TERF1: variants seen among roughly 807,000 people sequenced by gnomAD.
TERF1 encodes the protein telomeric repeat binding factor 1, also known as telomeric repeat-binding factor 1.
A neutral mutation model predicts 55.1 loss-of-function variants in TERF1; 20 were observed. The observed-to-expected ratio is 0.36, with a 90% CI of 0.26 to 0.53. The LOEUF is 0.53. TERF1 is among the 20% of genes least tolerant of loss of function. The probability of loss-of-function intolerance (pLI) is 0.91; values close to 1 mark genes in which losing one functional copy is unlikely to be tolerated. For missense variants in TERF1, 439 were observed against 535.7 expected (o/e 0.82, Z 1.78); for synonymous variants, 168 against 181.2 (o/e 0.93, Z 0.59).
chr8:73,020,335 A>G (rs1808697523), intron 2 of TERF1, among the ~76,000 whole-genome samples: 1 of 152,200 alleles, frequency 6.6e-6, no homozygotes. Context: ...TATAGGTGAG[A>G]AAACTGGCCT....
intron 2 of TERF1, among the ~76,000 whole-genome samples, chr8:73,016,120 TAAAAA>T (rs1462601680): frequency 6.6e-6 from 1 of 151,978 alleles, no homozygotes; most frequent in Non-Finnish European, 1.5e-5. Context: ...CCCCATCTCT[TAAAAA>T]AAATCAAATG....
chr8:73,033,830 G>A (rs1809399472), intron 8 of TERF1, among the ~76,000 whole-genome samples: 1 of 152,142 alleles, frequency 6.6e-6, no homozygotes, highest in Non-Finnish European at 1.5e-5. Context: ...CATTTTATTA[G>A]GTGTCAGTAA....
At chr8:73,031,958 C>A in intron 7 of TERF1, 84 bp from the exon 8 acceptor site, 1 of 912,738 alleles carries the variant, frequency 1.1e-6, no homozygotes, top group Non-Finnish European at 1.7e-6. Context: ...GATCCTAGAA[C>A]AGATTAAGGC....
At chr8:73,013,018 G>A (rs561676201) in intron 1 of TERF1, 98 of 432,946 alleles carry the variant, frequency 2.3e-4, no homozygotes, top group Non-Finnish European at 4.4e-4. Flanking sequence ...ACTGTGTATG[G>A]TCCAGATAAT....
At chr8:73,041,432 G>T (rs777387154) in intron 9 of TERF1, among the ~76,000 whole-genome samples, 2 of 152,118 alleles carry the variant, frequency 1.3e-5, no homozygotes, top group African/African-American at 2.4e-5. Flanking sequence ...GAGGTGAAGC[G>T]TTCTGGAGTC....
At chr8:73,042,644 A>G (rs1809880731) in intron 9 of TERF1, among the ~76,000 whole-genome samples, 1 of 152,210 alleles carries the variant, frequency 6.6e-6, no homozygotes, top group Admixed American at 6.5e-5. Context: ...ACAGTATGTA[A>G]TGAGAAATAC....
chr8:73,030,081 AAG>A (rs1809213887), intron 6 of TERF1: 1 of 314,252 alleles, frequency 3.2e-6, no homozygotes, highest in Admixed American at 4.9e-5. Flanking sequence ...GAGTTTTTGA[AAG>A]AGTGTTATAA....
Position 73,013,947 on chromosome 8 carries a change from C to T in TERF1, c.372C>T (p.Tyr124=). The T allele has an allele frequency of 6.2e-7, 1 of 1,611,218 alleles. No homozygotes were observed. Among genetic ancestry groups the T allele is most frequent in the Non-Finnish European group, 8.5e-7 (1 of 1,179,336 alleles). The part of the protein sequence containing the change: ...SLTACQLRTI[Y]ICQFLTRIAA... ...CAGCTTGCCAGTTGAGAACGATATA[C>T]ATATGTCAGTTTTTGACAAGAATTG... Residue 124 remains tyrosine, a synonymous_variant, in exon 2 of 10, where the codon TAC becomes TAT. Coordinates refer to ENST00000276603, the MANE Select transcript of TERF1 (RefSeq NM_017489.3).
chr8:73,022,176 T>C, intron 3 of TERF1, 40 bp from the exon 4 acceptor site: 1 of 1,287,980 alleles, frequency 7.8e-7, no homozygotes, highest in Non-Finnish European at 1.1e-6. Context: ...TATTGGGTAT[T>C]TATAAACGCA....
rs1355904842 is a variant in TERF1, at chr8:73,013,886, C to A, written c.320-9C>A. ...GATTTTAATAAAATTTACTTTTTTT[C>A]TTTTTTAGCTATTATTCATGGACTA... On this transcript the variant is annotated splice_polypyrimidine_tract_variant and intron_variant, in intron 1 of 9. Transcript: ENST00000276603. 2 of 1,579,650 alleles carry A rather than the reference C, an allele frequency of 1.3e-6. No homozygotes were observed. Among genetic ancestry groups the A allele is most frequent in the African/African-American group, 1.4e-5 (1 of 73,408 alleles).
At chr8:73,011,529 G>A (rs1210601624) in intron 1 of TERF1, 1 of 152,272 alleles carries the variant, frequency 6.6e-6, no homozygotes, top group Admixed American at 6.5e-5. Context: ...CCTTCAACCT[G>A]GGTGACACGG....
At chr8:73,037,886 G>GATATATAATATATATAAATATT (rs1809662601) in intron 8 of TERF1, among the ~76,000 whole-genome samples, 1 of 106,664 alleles carries the variant, frequency 9.4e-6, no homozygotes, top group East Asian at 2.4e-4. Context: ...ATATAAATAT[G>GATATATAATATATATAAATATT]ATATATAATA....
rs1348223701 is a variant in TERF1 at position 73,024,807 on chromosome 8, T to A, written c.625-15T>A. ...TGTGTGATTTATGTTAATATATTTC[T>A]TCTGTTTTCTTTAGCCTTTCAAAAG... is the stretch of plus-strand genomic sequence containing the variant. On this transcript the variant is annotated splice_polypyrimidine_tract_variant and intron_variant, in intron 4 of 9. Coordinates refer to ENST00000276603, the MANE Select transcript of TERF1 (RefSeq NM_017489.3). 6.5e-7 allele frequency: 1 copy of A among 1,527,736 alleles called. No individual in the cohort carries two copies. The highest frequency in any genetic ancestry group is 2.3e-5 in the East Asian group (1 of 43,358). The allele number at this position is 1,527,736 out of a possible 1,614,324, so 94.6% of individuals were successfully genotyped here.
At chr8:73,041,293 T>C (rs1218519889) in intron 9 of TERF1, among the ~76,000 whole-genome samples, 2 of 152,198 alleles carry the variant, frequency 1.3e-5, no homozygotes, top group Admixed American at 1.3e-4. Flanking sequence ...AAAATTTCCT[T>C]TAGTGTCCTG....
rs965021512 is a variant in TERF1 at position 73,047,846 on chromosome 8, A to G, written c.*1709A>G. The G allele has an allele frequency of 3.3e-5, 5 of 152,208 alleles. No individual in the cohort carries two copies. Among genetic ancestry groups the G allele is most frequent in the African/African-American group, 1.2e-4 (5 of 41,476 alleles). 9.4% of individuals were successfully genotyped at this position (152,208 alleles called of 1,614,324 possible). On this transcript the variant is annotated 3_prime_UTR_variant, in exon 10 of 10. Coordinates refer to ENST00000276603, the MANE Select transcript of TERF1 (RefSeq NM_017489.3). Reference sequence around the variant, plus strand: ...GTGCCAAGGCTGGCATCATGAGCCAAAATAGACTTGTTAAGTCAACCTCAT... The same window carrying G: ...GTGCCAAGGCTGGCATCATGAGCCAGAATAGACTTGTTAAGTCAACCTCAT...
chr8:73,037,661 AATAATATTATATTATAT>A (rs1247534115), intron 8 of TERF1, among the ~76,000 whole-genome samples: 9 of 48,946 alleles, frequency 1.8e-4, no homozygotes, highest in Non-Finnish European at 3.8e-4. Flanking sequence ...TTATATGTAT[AATAATATTATATTATAT>A]ATAATATATA....
At chr8:73,013,161 A>G (rs771362344) in intron 1 of TERF1, among the ~76,000 whole-genome samples, 12 of 152,268 alleles carry the variant, frequency 7.9e-5, no homozygotes, top group South Asian at 2.1e-4. Context: ...ATATACACCA[A>G]CCAAGCCCTG....
chr8:73,018,295 A>T (rs144474053), intron 2 of TERF1, among the ~76,000 whole-genome samples: 1 of 152,336 alleles, frequency 6.6e-6, no homozygotes, highest in African/African-American at 2.4e-5. Context: ...GACAACAGGA[A>T]ATAAAGTAAA....
At chr8:73,036,269 A>T (rs1809503363) in intron 8 of TERF1, among the ~76,000 whole-genome samples, 1 of 152,202 alleles carries the variant, frequency 6.6e-6, no homozygotes, top group Non-Finnish European at 1.5e-5. Context: ...GACCTGCTTA[A>T]TTGCCTATCT....
Sources: gnomAD v4.1 joint callset for allele counts (sites outside exome capture counted in the v4.1 genomes callset) on GRCh38, gnomAD v4.1.1 for gene constraint, MANE v1.5 for transcripts, NCBI Gene and HGNC (gene_info 2026-07-23, HGNC 2026-07-21) for gene names.